CDH13: variants seen among roughly 807,000 people sequenced by gnomAD.
CDH13 encodes the protein cadherin 13, also known as cadherin-13.
CDH13 carries 24 observed loss-of-function variants against 63.8 expected under a neutral mutation model. The ratio of observed to expected loss-of-function variants is 0.38; its 90% CI spans 0.27 to 0.53. CDH13 has a LOEUF of 0.53. Ranked by LOEUF, CDH13 falls within the 20% of genes least tolerant of loss-of-function variation. The pLI, the probability that CDH13 is intolerant of heterozygous loss-of-function variation, is 0.85. For missense variants in CDH13, 1,049 were observed against 903.1 expected, an observed-to-expected ratio of 1.16 and a Z score of -2.07; for synonymous variants, 503 against 355.3, an observed-to-expected ratio of 1.42 and a Z score of -4.67.
At chr16:82,827,343 G>A (rs1381600989) in intron 1 of CDH13, among the ~76,000 whole-genome samples, 1 of 152,092 alleles carries the variant, frequency 6.6e-6, no homozygotes, top group East Asian at 1.9e-4. Context: ...TGGATCTAGA[G>A]GCATTGGGTG....
chr16:82,909,201 T>G (rs565488769), intron 2 of CDH13, among the ~76,000 whole-genome samples: 1 of 152,098 alleles, frequency 6.6e-6, no homozygotes, highest in East Asian at 1.9e-4. Flanking sequence ...CAATCCATGA[T>G]TGGTCAAATT....
At chr16:82,852,495 G>A (rs1029511523) in intron 1 of CDH13, among the ~76,000 whole-genome samples, 18 of 152,268 alleles carry the variant, frequency 1.2e-4, no homozygotes, top group Non-Finnish European at 2.5e-4. Flanking sequence ...GGACATTCAG[G>A]GGCCATGTCT....
intron 6 of CDH13, among the ~76,000 whole-genome samples, chr16:83,355,235 C>T (rs979913628): frequency 3.4e-4 from 51 of 152,188 alleles, no homozygotes; most frequent in Non-Finnish European, 6.9e-4. Context: ...AAAATTTTTA[C>T]AGCAAGTGTG....
At chr16:82,874,392 C>A (rs964864768) in intron 2 of CDH13, among the ~76,000 whole-genome samples, 1 of 152,012 alleles carries the variant, frequency 6.6e-6, no homozygotes, top group Non-Finnish European at 1.5e-5. Flanking sequence ...GCTCAGCCCA[C>A]CCCTCAACCC....
intron 8 of CDH13, among the ~76,000 whole-genome samples, chr16:83,631,015 T>C (rs1207699390): frequency 6.6e-6 from 1 of 152,176 alleles, no homozygotes; most frequent in Non-Finnish European, 1.5e-5. Flanking sequence ...GCCATTGTGA[T>C]GAAGATGGCA....
chr16:83,740,706 G>A (rs115195193), intron 10 of CDH13, among the ~76,000 whole-genome samples: 1,994 of 152,236 alleles, frequency 0.013, 35 homozygotes, highest in African/African-American at 0.043. Context: ...AGGGACTGGA[G>A]ATGTCAAGAG....
At chr16:83,555,859 A>G (rs560594303) in intron 7 of CDH13, among the ~76,000 whole-genome samples, 1 of 152,356 alleles carries the variant, frequency 6.6e-6, no homozygotes, top group South Asian at 2.1e-4. Flanking sequence ...AGGACTGTAC[A>G]TGACATATCC....
intron 1 of CDH13, among the ~76,000 whole-genome samples, chr16:82,762,303 C>G (rs2034884626): frequency 6.6e-6 from 1 of 152,180 alleles, no homozygotes; most frequent in Non-Finnish European, 1.5e-5. Context: ...GAATTGATTA[C>G]TTCTAAATTG....
intron 3 of CDH13, among the ~76,000 whole-genome samples, chr16:83,117,350 G>A (rs78125479): frequency 0.047 from 7,220 of 152,064 alleles, 523 homozygotes; most frequent in African/African-American, 0.16. Context: ...TCTGCTGCTG[G>A]CAGTGCCTCC....
chr16:82,805,800 A>G (rs2037111324), intron 1 of CDH13, among the ~76,000 whole-genome samples: 1 of 152,204 alleles, frequency 6.6e-6, no homozygotes, highest in Non-Finnish European at 1.5e-5. Context: ...TGGGTGTGCT[A>G]TACCATATCA....
At chr16:82,732,695 A>G (rs1434960038) in intron 1 of CDH13, among the ~76,000 whole-genome samples, 2 of 152,190 alleles carry the variant, frequency 1.3e-5, no homozygotes, top group African/African-American at 4.8e-5. Flanking sequence ...GCTAGTGACC[A>G]CAGATATCTA....
intron 2 of CDH13, 72 bp from the exon 3 acceptor site, chr16:83,031,938 A>G: frequency 8.5e-7 from 1 of 1,170,396 alleles, no homozygotes. Flanking sequence ...CACACTTAAT[A>G]GGTCAGAGAT....
chr16:82,848,609 G>A (rs999221371), intron 1 of CDH13, among the ~76,000 whole-genome samples: 28 of 150,444 alleles, frequency 1.9e-4, no homozygotes, highest in African/African-American at 5.6e-4. Context: ...CACAAACTGT[G>A]CCCATATAAG....
chr16:82,987,361 T>TTTTG (rs200643952), intron 2 of CDH13, among the ~76,000 whole-genome samples: 18,331 of 151,900 alleles, frequency 0.12, 1,330 homozygotes, highest in Middle Eastern at 0.18. Flanking sequence ...TTTTGTTTTG[T>TTTTG]TTTGTTTGTT....
chr16:82,836,044 A>C (rs1161498935), intron 1 of CDH13, among the ~76,000 whole-genome samples: 3 of 152,226 alleles, frequency 2.0e-5, no homozygotes, highest in Non-Finnish European at 4.4e-5. Flanking sequence ...TCTGAAATGC[A>C]TTCTTCCCAT....
At chr16:83,598,435 G>T (rs1447054954) in intron 7 of CDH13, among the ~76,000 whole-genome samples, 1 of 152,080 alleles carries the variant, frequency 6.6e-6, no homozygotes, top group Non-Finnish European at 1.5e-5. Context: ...TTCTGTTTAA[G>T]GGAAAGTATT....
At chr16:82,838,027 C>T (rs186177967) in intron 1 of CDH13, among the ~76,000 whole-genome samples, 97 of 152,312 alleles carry the variant, frequency 6.4e-4, no homozygotes, top group African/African-American at 2.0e-3. Flanking sequence ...GCTTCATCCC[C>T]AGTACTACCT....
intron 2 of CDH13, among the ~76,000 whole-genome samples, chr16:82,947,901 T>G (rs535893736): frequency 6.6e-6 from 1 of 152,296 alleles, no homozygotes; most frequent in East Asian, 1.9e-4. Context: ...ATGGAACTAG[T>G]TGGGAGTGTG....
At chr16:83,210,514 C>T (rs1033569684) in intron 4 of CDH13, among the ~76,000 whole-genome samples, 2 of 151,990 alleles carry the variant, frequency 1.3e-5, no homozygotes, top group Non-Finnish European at 2.9e-5. Flanking sequence ...TATTCATTTA[C>T]GTATTCATTA....
Sources: allele counts gnomAD v4.1 joint callset (sites outside exome capture counted in the v4.1 genomes callset), GRCh38; gene constraint gnomAD v4.1.1; transcripts MANE v1.5; gene names NCBI Gene and HGNC (gene_info 2026-07-23, HGNC 2026-07-21).